FEM1C: variants seen among roughly 807,000 people sequenced by gnomAD.
FEM1C encodes protein fem-1 homolog C.
Under a neutral mutation model 37.6 loss-of-function variants are expected in FEM1C, and 15 were observed. That is an observed-to-expected ratio of 0.40 (90% CI 0.27 to 0.61). The LOEUF (loss-of-function observed/expected upper bound fraction) is 0.61, where lower values mean the gene tolerates loss of function less well. FEM1C is among the 20% of genes least tolerant of loss of function. The pLI is 0.42. For missense variants in FEM1C, 532 were observed against 749.7 expected, an observed-to-expected ratio of 0.71 and a Z score of 3.39; for synonymous variants, 287 against 272.8, an observed-to-expected ratio of 1.05 and a Z score of -0.51.
chr5:115,534,141 TGAAAA>T (rs1254804703), intron 2 of FEM1C, among the ~76,000 whole-genome samples: 1 of 151,970 alleles, frequency 6.6e-6, no homozygotes, highest in East Asian at 1.9e-4. Context: ...TCTGGAAGAA[TGAAAA>T]GTGCCATTTT....
Position 115,525,562 on chromosome 5 carries a change from C to T in FEM1C, c.600G>A (p.Met200Ile). Residue 200 changes from methionine (M) to isoleucine (I), a missense_variant, in exon 3 of 3, where the codon ATG becomes ATA. By Grantham distance (10) the Met-to-Ile change is conservative. Coordinates refer to ENST00000274457, the MANE Select transcript of FEM1C (RefSeq NM_020177.3). The stretch of plus-strand genomic sequence containing the variant: ...CCATCTTGGCACAATACATAAGAAG[C>T]ATCTTCATGATGTCCAAACTTCCAG... ...AESGSLDIMKMLLMYCAKMEK... is the reference protein window; with the variant it reads ...AESGSLDIMKILLMYCAKMEK... 1 of 1,613,492 alleles carries T rather than the reference C, an allele frequency of 6.2e-7. No homozygotes were observed. The highest frequency in any genetic ancestry group is 8.5e-7 in the Non-Finnish European group (1 of 1,179,726).
At chr5:115,529,741 C>A (rs1753977358) in intron 2 of FEM1C, among the ~76,000 whole-genome samples, 1 of 151,936 alleles carries the variant, frequency 6.6e-6, no homozygotes, top group South Asian at 2.1e-4. Flanking sequence ...TTGGTGTTAA[C>A]GTGTTCTAAG....
Position 115,522,738 on chromosome 5 carries a change from G to A in FEM1C, c.*1570C>T, listed in dbSNP as rs989274005. 6.6e-6 allele frequency: 1 copy of A among 152,350 alleles called. No individual in the cohort carries two copies. The highest frequency in any genetic ancestry group is 2.4e-5 in the African/African-American group (1 of 41,408). The allele number at this position is 152,350 out of a possible 1,614,324, so 9.4% of individuals were successfully genotyped here. ...AGCTCATTGAACTCACAGGTAAACT[G>A]AGTTTTTCTCAAATCAATAAGGAGC... On this transcript the variant is annotated 3_prime_UTR_variant, in exon 3 of 3. Coordinates refer to ENST00000274457, the MANE Select transcript of FEM1C (RefSeq NM_020177.3).
At chr5:115,534,706 TC>T (rs1754088222) in intron 2 of FEM1C, among the ~76,000 whole-genome samples, 1 of 151,880 alleles carries the variant, frequency 6.6e-6, no homozygotes, top group South Asian at 2.1e-4. Context: ...GTTTGTAAAT[TC>T]CTCATGTATT....
In FEM1C at chr5:115,524,286, G is replaced by C; in HGVS notation, c.*22C>G. 7 of 1,600,394 alleles carry C rather than the reference G, an allele frequency of 4.4e-6. No individual in the cohort carries two copies. Among genetic ancestry groups the C allele is most frequent in the Non-Finnish European group, 6.0e-6 (7 of 1,168,682 alleles). On this transcript the variant is annotated 3_prime_UTR_variant, in exon 3 of 3. Coordinates refer to ENST00000274457, the MANE Select transcript of FEM1C (RefSeq NM_020177.3). The stretch of plus-strand genomic sequence containing the variant: ...ACTGTTACCAATTCGTGCTTTAACA[G>C]TGCTAAAATACAGTCAAGTTATCAT...
rs1053122754 is a variant in FEM1C at position 115,521,525 on chromosome 5, A to G, written c.*2783T>C. The stretch of plus-strand genomic sequence containing the variant: ...GTCTATAATCCATTTGTCTTTATAA[A>G]GTAGACTGGCATCTAAGTAAAATGA... On this transcript the variant is annotated 3_prime_UTR_variant, in exon 3 of 3. Transcript: ENST00000274457. The G allele has an allele frequency of 1.3e-5, 2 of 151,902 alleles. No individual in the cohort carries two copies. The highest frequency in any genetic ancestry group is 4.8e-5 in the African/African-American group (2 of 41,418). 9.4% of individuals were successfully genotyped at this position (151,902 alleles called of 1,614,324 possible).
At position 115,524,634 on chromosome 5, in the gene FEM1C, C is replaced by G. The variant is rs1378559615; in HGVS notation, c.1528G>C (p.Val510Leu). 7 of 1,582,394 alleles carry G rather than the reference C, an allele frequency of 4.4e-6. No individual in the cohort carries two copies. Among genetic ancestry groups the G allele is most frequent in the Non-Finnish European group, 6.0e-6 (7 of 1,167,370 alleles). ...YPVCKFPSLQVTAILIECGAD... is the reference protein window; with the variant it reads ...YPVCKFPSLQLTAILIECGAD... ...CCACATTCTATCAGTATTGCAGTAA[C>G]TTGTAGAGATGGAAATTTACAAACA... Residue 510 changes from valine (V) to leucine (L), a missense_variant, in exon 3 of 3, where the codon GTT (valine) becomes CTT (leucine). By Grantham distance (32) the Val-to-Leu change is conservative. Around this residue, in one of 3 missense-constraint regions of FEM1C, gnomAD observed 237 missense variants for 260.5 expected, o/e 0.91. Transcript: ENST00000274457.
Position 115,524,464 on chromosome 5 carries a change from G to C in FEM1C, c.1698C>G (p.Asp566Glu), listed in dbSNP as rs73253005. Residue 566 changes from aspartate (D) to glutamate (E), a missense_variant, in exon 3 of 3, where the codon GAC (aspartate) becomes GAG (glutamate). Coordinates refer to ENST00000274457, the MANE Select transcript of FEM1C (RefSeq NM_020177.3). The part of the protein sequence containing the change: ...ATNLHKQTAS[D>E]LLDEKEIAKN... ...TAGCTATTTCCTTCTCATCCAGCAA[G>C]TCACTAGCAGTTTGTTTGTGCAAGT... The C allele has an allele frequency of 1.9e-6, 3 of 1,612,804 alleles. No homozygotes were observed. In the South Asian group the frequency reaches 3.3e-5, roughly 18 times the overall value.
rs771491592 is a variant in FEM1C, at chr5:115,525,193, T to C, written c.969A>G (p.Leu323=). 5 of 1,613,612 alleles carry C rather than the reference T, an allele frequency of 3.1e-6. No homozygotes were observed. The highest frequency in any genetic ancestry group is 2.5e-6 in the Non-Finnish European group (3 of 1,179,820). Reference sequence around the variant, plus strand: ...GACCAAGAATACGTTCTCTGATTAATAGTGCCTGCATTCTCATCTCATCAG... The same window carrying C: ...GACCAAGAATACGTTCTCTGATTAACAGTGCCTGCATTCTCATCTCATCAG... ...ADPDEMRMQA[L]LIRERILGPS... is the part of the protein sequence containing the mutation. The change falls in exon 3 of 3, where the codon CTA becomes CTG. Residue 323 remains leucine (L), a synonymous_variant. Coordinates refer to ENST00000274457, the MANE Select transcript of FEM1C (RefSeq NM_020177.3).
intron 2 of FEM1C, among the ~76,000 whole-genome samples, chr5:115,531,992 A>G (rs899498249): frequency 2.0e-5 from 3 of 152,162 alleles, no homozygotes; most frequent in South Asian, 2.1e-4. Context: ...TTCCACCTCT[A>G]TGCCTCTGTT....
At position 115,523,587 on chromosome 5, in the gene FEM1C, G is replaced by C. The variant is rs997538660; in HGVS notation, c.*721C>G. ...AAGAAACCTCAGATGTGAAGAAAGT[G>C]AAGAAAAAAACAAACAAAAAAGCTT... On this transcript the variant is annotated 3_prime_UTR_variant, in exon 3 of 3. Coordinates refer to ENST00000274457, the MANE Select transcript of FEM1C (RefSeq NM_020177.3). The C allele has an allele frequency of 2.0e-5, 3 of 152,350 alleles. No individual in the cohort carries two copies. Among genetic ancestry groups the C allele is most frequent in the African/African-American group, 7.2e-5 (3 of 41,398 alleles). The allele number at this position is 152,350 out of a possible 1,614,324, so 9.4% of individuals were successfully genotyped here.
At chr5:115,536,011 G>A (rs540316158) in intron 2 of FEM1C, among the ~76,000 whole-genome samples, 2 of 152,054 alleles carry the variant, frequency 1.3e-5, no homozygotes, top group South Asian at 4.1e-4. Context: ...GTCCAGAACA[G>A]GCAAACTTAA....
intron 2 of FEM1C, among the ~76,000 whole-genome samples, chr5:115,540,782 T>C (rs79279851): frequency 0.047 from 7,214 of 152,176 alleles, 208 homozygotes; most frequent in Middle Eastern, 0.12. Flanking sequence ...CATAGGCTTT[T>C]AAAACATATC....
At chr5:115,535,087 T>G (rs1050297271) in intron 2 of FEM1C, among the ~76,000 whole-genome samples, 1 of 151,894 alleles carries the variant, frequency 6.6e-6, no homozygotes, top group African/African-American at 2.4e-5. Context: ...GGGTTGTGTT[T>G]TACAATTAGA....
rs551453577 is a variant in FEM1C, at chr5:115,544,264, A to G, written c.-191+259T>C. On this transcript the variant is annotated intron_variant, in intron 1 of 2. Transcript: ENST00000274457. Reference sequence around the variant, plus strand: ...GCCCGCCCCATTTCGATCACCCCCCACCCCCCGCCAAGGGATGATCCGCAG... The same window carrying G: ...GCCCGCCCCATTTCGATCACCCCCCGCCCCCCGCCAAGGGATGATCCGCAG... 6 of 695,612 alleles carry G rather than the reference A, an allele frequency of 8.6e-6. No individual in the cohort carries two copies. The South Asian group carries it at 4.1e-4, about 48-fold the overall frequency. 43.1% of individuals were successfully genotyped at this position (695,612 alleles called of 1,614,324 possible). A position where few individuals can be genotyped will look rare whatever the true frequency, so the allele number is the denominator to read the frequency against.
intron 2 of FEM1C, among the ~76,000 whole-genome samples, chr5:115,540,103 G>A (rs1754208777): frequency 6.6e-6 from 1 of 151,916 alleles, no homozygotes; most frequent in African/African-American, 2.4e-5. Flanking sequence ...TTTTTGAATG[G>A]GGCTAAAAAA....
At chr5:115,536,039 T>C (rs1268337939) in intron 2 of FEM1C, among the ~76,000 whole-genome samples, 2 of 151,892 alleles carry the variant, frequency 1.3e-5, no homozygotes, top group African/African-American at 4.8e-5. Context: ...AAGAGATTAC[T>C]GGTTGCCTAA....
At position 115,543,139 on chromosome 5, in the gene FEM1C, G is replaced by C. The variant is rs1168746417; in HGVS notation, c.355C>G (p.Pro119Ala). ...CCATCGAAACACGCAGCTCGAAGAG[G>C]AGTTGAATTGGTTAAAGTCGTGTTG... The part of the protein sequence containing the change: ...VNNTTLTNST[P>A]LRAACFDGHL... Residue 119 changes from proline to alanine, a missense_variant, in exon 2 of 3, where the codon CCT becomes GCT. This residue lies in a region of FEM1C where 221 missense variants were observed against 404.1 expected (regional missense o/e 0.55). Coordinates refer to ENST00000274457, the MANE Select transcript of FEM1C (RefSeq NM_020177.3). 1.9e-6 allele frequency: 3 copies of C among 1,614,234 alleles called. No homozygotes were observed. The highest frequency in any genetic ancestry group is 2.5e-6 in the Non-Finnish European group (3 of 1,180,036).
At chr5:115,543,726 G>A in intron 1 of FEM1C, 43 bp from the exon 2 acceptor site, 1 of 1,331,680 alleles carries the variant, frequency 7.5e-7, no homozygotes, top group Non-Finnish European at 9.6e-7. Flanking sequence ...ATTTTCTATA[G>A]AAGAAGGCAA....
Sources: gnomAD v4.1 joint callset for allele counts (sites outside exome capture counted in the v4.1 genomes callset) on GRCh38, gnomAD v4.1.1 for gene constraint, gnomAD v4.1.1 regional missense constraint, MANE v1.5 for transcripts, NCBI Gene and HGNC (gene_info 2026-07-23, HGNC 2026-07-21) for gene names.